NPEPPS: variants seen among roughly 807,000 people sequenced by gnomAD.
The protein encoded by NPEPPS is aminopeptidase puromycin sensitive, also known as puromycin-sensitive aminopeptidase.
A neutral mutation model predicts 115.5 loss-of-function variants in NPEPPS; 14 were observed. The observed-to-expected ratio is 0.12, with a 90% CI of 0.08 to 0.19. The LOEUF is 0.19. NPEPPS is among the 10% of genes least tolerant of loss of function. The probability of loss-of-function intolerance (pLI) is 1.00; values close to 1 mark genes in which losing one functional copy is unlikely to be tolerated. For missense variants in NPEPPS, 523 were observed against 1,110.8 expected (o/e 0.47, Z 7.52); for synonymous variants, 285 against 390.6 (o/e 0.73, Z 3.19).
At chr17:47,615,077 T>C (rs991555630) in intron 19 of NPEPPS, among the ~76,000 whole-genome samples, 19 of 43,544 alleles carry the variant, frequency 4.4e-4, no homozygotes, top group African/African-American at 6.5e-4. Context: ...TTCTTTCTTT[T>C]TTTTTTTTTT....
In NPEPPS at chr17:47,570,790, ATG is replaced by A. The variant is rs1911144769; in HGVS notation, c.418+1299_418+1300del. On this transcript the variant is annotated intron_variant, in intron 3 of 22. Coordinates refer to ENST00000322157, the MANE Select transcript of NPEPPS (RefSeq NM_006310.4). ...TAGTAATGAGAAATTTTTGCTTCTC[ATG>A]TGAGCTGATTTTAAAAATTCCCAAT... Among the ~76,000 whole-genome samples, 4 of 152,248 alleles carry A rather than the reference ATG, an allele frequency of 2.6e-5. No individual in the cohort carries two copies. The South Asian group carries it at 8.3e-4, about 32-fold the overall frequency.
chr17:47,577,278 T>C, intron 3 of NPEPPS: 1 of 397,764 alleles, frequency 2.5e-6, no homozygotes, highest in Non-Finnish European at 4.8e-6. Flanking sequence ...TCTTAACAGT[T>C]GATTGACTTA....
At chr17:47,611,505 G>A (rs1283101611) in intron 17 of NPEPPS, among the ~76,000 whole-genome samples, 1 of 151,556 alleles carries the variant, frequency 6.6e-6, no homozygotes, top group Non-Finnish European at 1.5e-5. Flanking sequence ...GCCCAGGCTG[G>A]AGTACAGTAG....
At chr17:47,543,379 C>G (rs1239735479) in intron 1 of NPEPPS, among the ~76,000 whole-genome samples, 1 of 151,130 alleles carries the variant, frequency 6.6e-6, no homozygotes, top group Non-Finnish European at 1.5e-5. Context: ...AGTGCAATGG[C>G]TCAGTCTAGC....
chr17:47,589,809 T>G (rs1333704200), intron 9 of NPEPPS, among the ~76,000 whole-genome samples: 3 of 152,206 alleles, frequency 2.0e-5, no homozygotes, highest in Non-Finnish European at 4.4e-5. Flanking sequence ...CAGTTTCTCT[T>G]GAACATTCAA....
chr17:47,623,097 C>CT lies in NPEPPS; in HGVS notation c.*1184dup. The CT allele has an allele frequency of 4.0e-6, 1 of 252,026 alleles. No individual in the cohort carries two copies. Among genetic ancestry groups the CT allele is most frequent in the Non-Finnish European group, 7.8e-6 (1 of 128,752 alleles). 15.6% of individuals were successfully genotyped at this position (252,026 alleles called of 1,614,324 possible). ...CTTCTTCTTTCCCTACCTTTTTTTT[C>CT]TTTTTTTCTTAAAAAAATATTTTGT... On this transcript the variant is annotated 3_prime_UTR_variant, in exon 23 of 23. Coordinates refer to ENST00000322157, the MANE Select transcript of NPEPPS (RefSeq NM_006310.4).
At chr17:47,583,440 C>T (rs1912007725) in intron 5 of NPEPPS, among the ~76,000 whole-genome samples, 1 of 151,916 alleles carries the variant, frequency 6.6e-6, no homozygotes, top group Admixed American at 6.6e-5. Context: ...CAAAAATTAT[C>T]TGAGTGTGGT....
intron 1 of NPEPPS, among the ~76,000 whole-genome samples, chr17:47,525,958 C>G (rs1457659140): frequency 6.6e-6 from 1 of 152,114 alleles, no homozygotes; most frequent in Non-Finnish European, 1.5e-5. Flanking sequence ...CGCCTGTAAT[C>G]CTAGCACTTT....
chr17:47,590,694 G>C lies in NPEPPS; in HGVS notation c.1096-23G>C, dbSNP rs370141044. 6 of 1,605,818 alleles carry C rather than the reference G, an allele frequency of 3.7e-6. No individual in the cohort carries two copies. The African/African-American group carries it at 8.0e-5, about 21-fold the overall frequency. ...ATGACAATCATTTCATTTTCTTTAA[G>C]TATTTTCATCTTTTGTTTTTAGGAA... On this transcript the variant is annotated intron_variant, in intron 9 of 22. Transcript: ENST00000322157.
chr17:47,583,087 G>A (rs911192821), intron 5 of NPEPPS, among the ~76,000 whole-genome samples: 25 of 144,836 alleles, frequency 1.7e-4, no homozygotes, highest in Non-Finnish European at 3.4e-4. Context: ...GGGTCAATCT[G>A]TCTTCCTGCC....
chr17:47,613,660 C>T lies in NPEPPS; in HGVS notation c.2239-9C>T, dbSNP rs375222053. ...TTTAATCAAATGACTTATTTTTTGT[C>T]CCTTGTAGGTCTATCTGACTGTTTT... On this transcript the variant is annotated splice_polypyrimidine_tract_variant and intron_variant, in intron 18 of 22. Transcript: ENST00000322157. 14 of 1,599,974 alleles carry T rather than the reference C, an allele frequency of 8.8e-6. No individual in the cohort carries two copies. The highest frequency in any genetic ancestry group is 1.7e-5 in the Admixed American group (1 of 59,240).
chr17:47,524,830 T>C (rs1907370165), intron 1 of NPEPPS, among the ~76,000 whole-genome samples: 1 of 148,064 alleles, frequency 6.8e-6, no homozygotes, highest in Non-Finnish European at 1.5e-5. Context: ...TTTGTAGAGA[T>C]GGGAGTCTCA....
At chr17:47,590,475 AGAAAG>A (rs1912435881) in intron 9 of NPEPPS, among the ~76,000 whole-genome samples, 1 of 151,516 alleles carries the variant, frequency 6.6e-6, no homozygotes, top group African/African-American at 2.4e-5. Context: ...AAAAAAGAAA[AGAAAG>A]GAAAAGAAAA....
chr17:47,579,963 GTA>G (rs1272907871), intron 4 of NPEPPS: 40 of 147,384 alleles, frequency 2.7e-4, no homozygotes, highest in Non-Finnish European at 4.0e-4. Flanking sequence ...GTGTGTGTGT[GTA>G]TACACATATA....
chr17:47,562,965 AAT>A (rs1262949502), intron 2 of NPEPPS, among the ~76,000 whole-genome samples: 1 of 151,596 alleles, frequency 6.6e-6, no homozygotes, highest in African/African-American at 2.4e-5. Context: ...TTTTTTCCCC[AAT>A]ATATACTTCT....
intron 2 of NPEPPS, among the ~76,000 whole-genome samples, chr17:47,551,073 T>C (rs1241621935): frequency 6.6e-6 from 1 of 152,230 alleles, no homozygotes. Flanking sequence ...CAGACTTTTC[T>C]ATTTCTCAAT....
chr17:47,557,769 A>T (rs975303653), intron 2 of NPEPPS, among the ~76,000 whole-genome samples: 1 of 149,004 alleles, frequency 6.7e-6, no homozygotes, highest in Non-Finnish European at 1.5e-5. Context: ...TAATGTTGAC[A>T]TACTATAAAG....
upstream of NPEPPS, among the ~76,000 whole-genome samples, chr17:47,530,720 G>C (rs1907676040): frequency 6.6e-6 from 1 of 152,196 alleles, no homozygotes; most frequent in Non-Finnish European, 1.5e-5. Flanking sequence ...CAGGAACTAA[G>C]GCCAGAGAGC....
intron 17 of NPEPPS, among the ~76,000 whole-genome samples, chr17:47,611,054 A>G (rs1913838115): frequency 1.3e-5 from 2 of 150,470 alleles, no homozygotes; most frequent in Non-Finnish European, 3.0e-5. Flanking sequence ...GGGTTTCACC[A>G]TGTTGGCCAG....
Sources: gnomAD v4.1 joint callset for allele counts (sites outside exome capture counted in the v4.1 genomes callset) on GRCh38, gnomAD v4.1.1 for gene constraint, MANE v1.5 for transcripts, NCBI Gene and HGNC (gene_info 2026-07-23, HGNC 2026-07-21) for gene names.